The following LRRC4C variants were observed in gnomAD, a reference collection of about 807,000 sequenced individuals.
LRRC4C encodes the protein leucine-rich repeat-containing protein 4C.
A neutral mutation model predicts 33.6 loss-of-function variants in LRRC4C; 5 were observed. The observed-to-expected ratio is 0.15, with a 90% CI of 0.08 to 0.31. LRRC4C has a LOEUF of 0.31. LRRC4C is among the 10% of genes least tolerant of loss of function. The pLI is 1.00. For synonymous variants in LRRC4C, 329 were observed against 302.0 expected (o/e 1.09, Z -0.93); for missense variants, 560 against 796.7 (o/e 0.70, Z 3.58).
At chr11:40,388,161 T>C (rs903450827) in intron 3 of LRRC4C, among the ~76,000 whole-genome samples, 1 of 152,142 alleles carries the variant, frequency 6.6e-6, no homozygotes, top group Non-Finnish European at 1.5e-5. Flanking sequence ...AGAGGCTGTT[T>C]TTCCCAATTA....
chr11:40,514,741 C>T (rs1176353161), intron 3 of LRRC4C, among the ~76,000 whole-genome samples: 2 of 151,984 alleles, frequency 1.3e-5, no homozygotes, highest in Non-Finnish European at 2.9e-5. Context: ...TCTTCTATCT[C>T]TTCTCTCAAA....
chr11:40,806,844 G>A (rs984541514), intron 2 of LRRC4C, among the ~76,000 whole-genome samples: 4 of 152,062 alleles, frequency 2.6e-5, no homozygotes, highest in African/African-American at 9.7e-5. Flanking sequence ...GCATATTCCT[G>A]ATGTCTGCTA....
chr11:40,623,905 A>G (rs1443733086), intron 3 of LRRC4C, among the ~76,000 whole-genome samples: 2 of 152,126 alleles, frequency 1.3e-5, no homozygotes, highest in African/African-American at 2.4e-5. Context: ...AAAACTCACA[A>G]ATTAAAACAA....
At chr11:41,226,410 C>A (rs548378212) in intron 1 of LRRC4C, among the ~76,000 whole-genome samples, 15 of 152,176 alleles carry the variant, frequency 9.9e-5, no homozygotes, top group African/African-American at 3.4e-4. Context: ...CAAAGATAAC[C>A]AAAATAACAC....
chr11:40,670,002 T>C (rs1200033390), intron 2 of LRRC4C, among the ~76,000 whole-genome samples: 1 of 152,220 alleles, frequency 6.6e-6, no homozygotes, highest in Non-Finnish European at 1.5e-5. Context: ...TAAATTACCT[T>C]GATTATAGCT....
chr11:40,954,206 C>T (rs945281242), intron 1 of LRRC4C, among the ~76,000 whole-genome samples: 1 of 151,832 alleles, frequency 6.6e-6, no homozygotes, highest in Non-Finnish European at 1.5e-5. Flanking sequence ...CAACATGTAA[C>T]ATTAGGTAAA....
intron 3 of LRRC4C, among the ~76,000 whole-genome samples, chr11:40,371,229 T>TA (rs1314811289): frequency 1.3e-5 from 2 of 151,916 alleles, no homozygotes; most frequent in African/African-American, 2.4e-5. Flanking sequence ...TTTGTGTCAT[T>TA]AAAAAAAATA....
At chr11:40,642,028 T>TA (rs1942153230) in intron 3 of LRRC4C, among the ~76,000 whole-genome samples, 1 of 151,770 alleles carries the variant, frequency 6.6e-6, no homozygotes, top group Non-Finnish European at 1.5e-5. Context: ...CTGCTTTTTT[T>TA]TTTTTTTTAA....
At chr11:40,974,192 T>C in intron 1 of LRRC4C, among the ~76,000 whole-genome samples, 1 of 152,222 alleles carries the variant, frequency 6.6e-6, no homozygotes, top group Non-Finnish European at 1.5e-5. Flanking sequence ...TCAAGGAATA[T>C]TCATCCACTT....
At chr11:40,386,321 T>C (rs1949109962) in intron 3 of LRRC4C, among the ~76,000 whole-genome samples, 1 of 152,166 alleles carries the variant, frequency 6.6e-6, no homozygotes. Flanking sequence ...TAGAACTTCT[T>C]GACCTTAAGA....
At chr11:41,051,541 A>AAAAAAAAAAAAAAAAAAAAAAAAAAAT (rs1858218275) in intron 1 of LRRC4C, among the ~76,000 whole-genome samples, 1 of 139,432 alleles carries the variant, frequency 7.2e-6, no homozygotes, top group African/African-American at 2.6e-5. Context: ...AAAAAAAAAA[A>AAAAAAAAAAAAAAAAAAAAAAAAAAAT]AAAAAAAAAA....
At chr11:40,395,727 C>T (rs1949511735) in intron 3 of LRRC4C, among the ~76,000 whole-genome samples, 1 of 152,102 alleles carries the variant, frequency 6.6e-6, no homozygotes, top group South Asian at 2.1e-4. Flanking sequence ...TGGCTCATGC[C>T]TGTAATCCCT....
intron 1 of LRRC4C, among the ~76,000 whole-genome samples, chr11:41,254,854 A>G (rs1437037357): frequency 6.6e-6 from 1 of 152,064 alleles, no homozygotes; most frequent in Non-Finnish European, 1.5e-5. Context: ...GACTGTGGTT[A>G]TAAAACTTTT....
intron 1 of LRRC4C, among the ~76,000 whole-genome samples, chr11:41,309,633 T>A (rs1248557839): frequency 6.6e-6 from 1 of 152,186 alleles, no homozygotes; most frequent in African/African-American, 2.4e-5. Context: ...GCAACTTCAT[T>A]GAAATATATA....
chr11:40,870,979 G>C (rs1278267090), intron 2 of LRRC4C, among the ~76,000 whole-genome samples: 2 of 152,126 alleles, frequency 1.3e-5, no homozygotes, highest in Non-Finnish European at 2.9e-5. Context: ...GCTTCCCTGA[G>C]GGTAGCCTCT....
chr11:41,121,138 T>C (rs562005440), intron 1 of LRRC4C, among the ~76,000 whole-genome samples: 1 of 152,318 alleles, frequency 6.6e-6, no homozygotes, highest in African/African-American at 2.4e-5. Context: ...TTGGTTTCTT[T>C]TAACCATGAT....
At chr11:40,806,818 G>A (rs1167799803) in intron 2 of LRRC4C, among the ~76,000 whole-genome samples, 1 of 152,078 alleles carries the variant, frequency 6.6e-6, no homozygotes, top group East Asian at 1.9e-4. Flanking sequence ...ATACCACTAT[G>A]CAGGCAGGAA....
chr11:40,196,654 A>C (rs1027632464), intron 5 of LRRC4C, among the ~76,000 whole-genome samples: 4 of 152,230 alleles, frequency 2.6e-5, no homozygotes, highest in African/African-American at 9.7e-5. Context: ...TTCTCATTGG[A>C]AAGGCAGAGT....
chr11:40,927,290 C>T (rs1483810016), intron 2 of LRRC4C, among the ~76,000 whole-genome samples: 1 of 151,802 alleles, frequency 6.6e-6, no homozygotes, highest in Non-Finnish European at 1.5e-5. Flanking sequence ...AGAAGAATCA[C>T]TTGAACCCGA....
Sources: gnomAD v4.1 joint callset for allele counts (sites outside exome capture counted in the v4.1 genomes callset) on GRCh38, gnomAD v4.1.1 for gene constraint, MANE v1.5 for transcripts, NCBI Gene and HGNC (gene_info 2026-07-23, HGNC 2026-07-21) for gene names.